Variants in IQUB observed in about 807,000 individuals in gnomAD.
IQUB encodes the protein IQ motif and ubiquitin domain containing.
Under a neutral mutation model 86.4 loss-of-function variants are expected in IQUB, and 86 were observed. That is an observed-to-expected ratio of 1.00 (90% CI 0.84 to 1.19). The LOEUF (loss-of-function observed/expected upper bound fraction) is 1.19. IQUB is among the 50% of genes most tolerant of loss of function. The pLI is 0.00. For missense variants in IQUB, 946 were observed against 916.9 expected, an observed-to-expected ratio of 1.03 and a Z score of -0.41; for synonymous variants, 289 against 304.5, an observed-to-expected ratio of 0.95 and a Z score of 0.53.
At position 123,461,537 on chromosome 7, in the gene IQUB, A is replaced by C. The variant is rs747007831; in HGVS notation, c.1827T>G (p.Pro609=). 3.1e-6 allele frequency: 5 copies of C among 1,612,020 alleles called. No homozygotes were observed. Among genetic ancestry groups the C allele is most frequent in the Non-Finnish European group, 4.2e-6 (5 of 1,178,820 alleles). The change falls in exon 11 of 13, where the codon CCT becomes CCG. Residue 609 remains proline (P), a synonymous_variant. Transcript: ENST00000324698. ...TGGATGATACAGAAAATTCTGTAGA[A>C]GGCAAATAAAGCTGGCAACTGTGGC... ...YFCHSCQLYL[P]STEFSVSSTS...
At chr7:123,456,531 T>C (rs952009185) in intron 12 of IQUB, 2 of 152,070 alleles carry the variant, frequency 1.3e-5, no homozygotes, top group African/African-American at 4.8e-5. Context: ...TATCTTTATA[T>C]TCATCACCCC....
intron 1 of IQUB, among the ~76,000 whole-genome samples, chr7:123,524,425 T>C (rs1311372883): frequency 6.6e-6 from 1 of 151,100 alleles, no homozygotes; most frequent in Non-Finnish European, 1.5e-5. Flanking sequence ...TTCATATCCC[T>C]TGTAAGTTGG....
In IQUB at chr7:123,527,917, G is replaced by A. The variant is rs574006641; in HGVS notation, c.-5+6575C>T. 8.5e-5 allele frequency among the ~76,000 whole-genome samples: 13 copies of A among 152,284 alleles called. No homozygotes were observed. The East Asian group carries it at 2.1e-3, about 25-fold the overall frequency. On this transcript the variant is annotated intron_variant, in intron 1 of 12. Transcript: ENST00000324698. The stretch of plus-strand genomic sequence containing the variant: ...TGGCGGGCGCCCCTCCCCCAGCCTC[G>A]CTGCCGCCTTGCAGTTTGATCTCAG...
chr7:123,459,288 G>A (rs186246611), intron 11 of IQUB, among the ~76,000 whole-genome samples: 43 of 152,006 alleles, frequency 2.8e-4, no homozygotes, highest in South Asian at 8.3e-4. Context: ...TGATGCCACC[G>A]GATACCCAGA....
At chr7:123,474,942 T>C (rs965176857) in intron 8 of IQUB, among the ~76,000 whole-genome samples, 4 of 152,178 alleles carry the variant, frequency 2.6e-5, no homozygotes, top group Non-Finnish European at 5.9e-5. Flanking sequence ...TTCTACAAAT[T>C]CTTGTGGCTA....
intron 10 of IQUB, among the ~76,000 whole-genome samples, chr7:123,462,377 G>T (rs772633636): frequency 1.3e-5 from 2 of 151,682 alleles, no homozygotes; most frequent in Non-Finnish European, 3.0e-5. Flanking sequence ...ACTCAATGTG[G>T]ATTTAAAATA....
intron 12 of IQUB, among the ~76,000 whole-genome samples, chr7:123,454,777 G>A (rs1346405816): frequency 6.6e-6 from 1 of 152,088 alleles, no homozygotes; most frequent in African/African-American, 2.4e-5. Flanking sequence ...AGACTGAAGG[G>A]ATGGGTTTTG....
chr7:123,526,301 G>A (rs1797204884), intron 1 of IQUB, among the ~76,000 whole-genome samples: 1 of 151,870 alleles, frequency 6.6e-6, no homozygotes, highest in Non-Finnish European at 1.5e-5. Context: ...TGACAGTGGA[G>A]TGTTAAAGTC....
At chr7:123,502,878 G>A in intron 5 of IQUB, 66 bp downstream of exon 5, 1 of 1,431,938 alleles carries the variant, frequency 7.0e-7, no homozygotes, top group South Asian at 1.3e-5. Context: ...AAATTTGAGA[G>A]AGTCATACAG....
rs372789802 is a variant in IQUB at position 123,496,407 on chromosome 7, CTCTT to C, written c.1234+285_1234+288del. 1.9e-4 allele frequency among the ~76,000 whole-genome samples: 29 copies of C among 152,222 alleles called. No individual in the cohort carries two copies. In the East Asian group the frequency reaches 3.1e-3, roughly 16 times the overall value. ...AAAACTAGATTACACAGTACTTTCT[CTCTT>C]TATCTCACATGAATGAGGATCAAAT... On this transcript the variant is annotated intron_variant, in intron 7 of 12. Transcript: ENST00000324698.
At chr7:123,521,517 C>T (rs538104672) in intron 1 of IQUB, among the ~76,000 whole-genome samples, 2 of 152,114 alleles carry the variant, frequency 1.3e-5, no homozygotes, top group African/African-American at 4.8e-5. Flanking sequence ...TATTGTGGCA[C>T]GCACCTGCAA....
intron 7 of IQUB, among the ~76,000 whole-genome samples, chr7:123,490,318 A>G (rs1795402121): frequency 6.6e-6 from 1 of 152,196 alleles, no homozygotes; most frequent in Non-Finnish European, 1.5e-5. Context: ...TCATTTAAAT[A>G]AAGGACTCAA....
intron 1 of IQUB, among the ~76,000 whole-genome samples, chr7:123,523,878 G>C (rs1797041383): frequency 6.6e-6 from 1 of 152,114 alleles, no homozygotes; most frequent in Non-Finnish European, 1.5e-5. Flanking sequence ...ATTGATTTTT[G>C]TATAACGTGT....
chr7:123,517,365 C>T (rs1463809043), intron 1 of IQUB, among the ~76,000 whole-genome samples: 1 of 151,490 alleles, frequency 6.6e-6, no homozygotes, highest in African/African-American at 2.4e-5. Context: ...CCCCGCTCTA[C>T]TAAAAATACA....
At chr7:123,484,796 A>G (rs1391892442) in intron 7 of IQUB, among the ~76,000 whole-genome samples, 3 of 152,082 alleles carry the variant, frequency 2.0e-5, no homozygotes, top group Non-Finnish European at 4.4e-5. Flanking sequence ...AACCCAACCA[A>G]GCTGACGAGA....
chr7:123,494,446 A>G (rs1188979138), intron 7 of IQUB, among the ~76,000 whole-genome samples: 1 of 152,170 alleles, frequency 6.6e-6, no homozygotes, highest in Non-Finnish European at 1.5e-5. Flanking sequence ...CAGAAGAGCA[A>G]TATAAATTAT....
intron 1 of IQUB, among the ~76,000 whole-genome samples, chr7:123,526,539 T>C (rs1365639664): frequency 6.6e-6 from 1 of 151,850 alleles, no homozygotes; most frequent in Non-Finnish European, 1.5e-5. Flanking sequence ...TTTTTTGTTT[T>C]CCATTTGCTT....
intron 6 of IQUB, among the ~76,000 whole-genome samples, chr7:123,497,366 T>C (rs1349546425): frequency 6.6e-6 from 1 of 152,150 alleles, no homozygotes; most frequent in Non-Finnish European, 1.5e-5. Flanking sequence ...CTCCATCTTA[T>C]CTTAAATGCC....
chr7:123,507,646 G>A (rs113706224), intron 3 of IQUB, among the ~76,000 whole-genome samples: 11 of 152,024 alleles, frequency 7.2e-5, no homozygotes, highest in South Asian at 4.1e-4. Context: ...TTTGCAAGGC[G>A]GGTGGATCAT....
Sources: gnomAD v4.1 joint callset for allele counts (sites outside exome capture counted in the v4.1 genomes callset) on GRCh38, gnomAD v4.1.1 for gene constraint, MANE v1.5 for transcripts, NCBI Gene and HGNC (gene_info 2026-07-23, HGNC 2026-07-21) for gene names.